Variants in FARS2 observed in about 807,000 individuals in gnomAD.
The protein encoded by FARS2 is phenylalanine--tRNA ligase, mitochondrial.
In FARS2, 40 loss-of-function variants were observed where a neutral mutation model predicts 46.4. The ratio of observed to expected loss-of-function variants is 0.86; its 90% CI spans 0.67 to 1.12. The LOEUF (loss-of-function observed/expected upper bound fraction) is 1.12. Ranked by LOEUF, FARS2 falls within the 50% of genes most tolerant of loss-of-function variation. The pLI is 0.00. For synonymous variants in FARS2, 234 were observed against 214.9 expected (o/e 1.09, Z -0.78); for missense variants, 513 against 567.9 (o/e 0.90, Z 0.98).
intron 1 of FARS2, among the ~76,000 whole-genome samples, chr6:5,346,340 T>C (rs2127598577): frequency 1.3e-5 from 2 of 152,330 alleles, no homozygotes; most frequent in African/African-American, 4.8e-5. Flanking sequence ...TCTGTGTATT[T>C]GGGTGTAATT....
At chr6:5,388,265 G>A (rs75757048) in intron 2 of FARS2, among the ~76,000 whole-genome samples, 7,169 of 152,134 alleles carry the variant, frequency 0.047, 480 homozygotes, top group African/African-American at 0.15. Context: ...CTTGGCAGGG[G>A]GGAAATGGTT....
chr6:5,308,632 T>C (rs1465162008), intron 1 of FARS2, among the ~76,000 whole-genome samples: 1 of 152,252 alleles, frequency 6.6e-6, no homozygotes, highest in Non-Finnish European at 1.5e-5. Context: ...TGTCCTTACC[T>C]TATCATGCGC....
At chr6:5,738,964 A>G (rs1582859740) in intron 6 of FARS2, among the ~76,000 whole-genome samples, 1 of 152,332 alleles carries the variant, frequency 6.6e-6, no homozygotes. Flanking sequence ...GGCATCAGTC[A>G]TGCCACATTC....
chr6:5,454,409 T>C (rs1764703392), intron 4 of FARS2, among the ~76,000 whole-genome samples: 1 of 152,148 alleles, frequency 6.6e-6, no homozygotes, highest in Non-Finnish European at 1.5e-5. Flanking sequence ...TGGCGTGATC[T>C]CGGCTCACTG....
chr6:5,616,928 A>G (rs1028714522), intron 6 of FARS2, among the ~76,000 whole-genome samples: 2 of 151,314 alleles, frequency 1.3e-5, no homozygotes, highest in African/African-American at 4.9e-5. Flanking sequence ...GCTGAGAGAA[A>G]TTTCTGTTGT....
chr6:5,742,895 TC>T (rs1486543129), intron 6 of FARS2, among the ~76,000 whole-genome samples: 1 of 151,980 alleles, frequency 6.6e-6, no homozygotes, highest in African/African-American at 2.4e-5. Flanking sequence ...GGAAATGGGT[TC>T]TCAGGAAATG....
chr6:5,559,182 C>T (rs1202594240), intron 5 of FARS2, among the ~76,000 whole-genome samples: 2 of 151,454 alleles, frequency 1.3e-5, no homozygotes, highest in East Asian at 1.9e-4. Flanking sequence ...GCGGGAAGAT[C>T]GCTTGAGCCC....
At chr6:5,446,396 A>G (rs451850) in intron 4 of FARS2, among the ~76,000 whole-genome samples, 108,613 of 151,890 alleles carry the variant, frequency 0.72, 39,226 homozygotes, top group East Asian at 0.92. Flanking sequence ...AATCCATTAT[A>G]TGTATTTGAT....
At chr6:5,472,977 T>C (rs2150324188) in intron 4 of FARS2, among the ~76,000 whole-genome samples, 1 of 152,346 alleles carries the variant, frequency 6.6e-6, no homozygotes, top group Non-Finnish European at 1.5e-5. Context: ...TTGGATGAAG[T>C]ATCTGCAAAT....
At chr6:5,609,979 G>C in intron 5 of FARS2, 1 of 1,227,196 alleles carries the variant, frequency 8.1e-7, no homozygotes, top group Non-Finnish European at 1.2e-6. Flanking sequence ...GTGTGGCCTT[G>C]CATTCGTGGC....
intron 6 of FARS2, among the ~76,000 whole-genome samples, chr6:5,720,221 A>C (rs1759800324): frequency 6.6e-6 from 1 of 152,244 alleles, no homozygotes; most frequent in Admixed American, 6.5e-5. Context: ...AAAGGAAGGG[A>C]TAAAAAATAG....
intron 2 of FARS2, among the ~76,000 whole-genome samples, chr6:5,369,897 A>G (rs1347151076): frequency 1.3e-5 from 2 of 151,258 alleles, no homozygotes; most frequent in African/African-American, 2.4e-5. Flanking sequence ...TTTTTTGCAA[A>G]TTCTGAAATC....
intron 5 of FARS2, among the ~76,000 whole-genome samples, chr6:5,612,488 T>TTG (rs1039282860): frequency 6.7e-5 from 10 of 149,574 alleles, no homozygotes; most frequent in Admixed American, 6.6e-5. Context: ...ATATATATAT[T>TTG]TGTGTGTGTG....
chr6:5,701,988 T>C lies in FARS2; in HGVS notation c.1218-69303T>C, dbSNP rs754493952. Among the ~76,000 whole-genome samples the C allele has an allele frequency of 4.6e-5, 7 of 152,234 alleles. No individual in the cohort carries two copies. The South Asian group carries it at 1.0e-3, about 22-fold the overall frequency. On this transcript the variant is annotated intron_variant, in intron 6 of 6. Transcript: ENST00000274680. ...TCAGATACAAAATACAGCAGCATACTTACAGATGTGTTCTCATGATTTTCA... is the reference window on the plus strand; with the variant it reads ...TCAGATACAAAATACAGCAGCATACCTACAGATGTGTTCTCATGATTTTCA...
intron 1 of FARS2, among the ~76,000 whole-genome samples, chr6:5,364,919 C>T (rs908896639): frequency 6.6e-6 from 1 of 152,064 alleles, no homozygotes; most frequent in Non-Finnish European, 1.5e-5. Flanking sequence ...GTAGTCCTAG[C>T]TATCTCTGGG....
chr6:5,347,375 A>C (rs1383314840), intron 1 of FARS2, among the ~76,000 whole-genome samples: 1 of 152,130 alleles, frequency 6.6e-6, no homozygotes. Context: ...TTTTCCAACC[A>C]AAAAAGTTGT....
intron 6 of FARS2, among the ~76,000 whole-genome samples, chr6:5,736,299 A>G (rs892449508): frequency 5.3e-5 from 8 of 152,208 alleles, no homozygotes; most frequent in African/African-American, 1.9e-4. Context: ...TTTGGAAGTG[A>G]CACACCATCA....
At chr6:5,617,722 C>G (rs548241343) in intron 6 of FARS2, among the ~76,000 whole-genome samples, 1 of 152,248 alleles carries the variant, frequency 6.6e-6, no homozygotes, top group African/African-American at 2.4e-5. Context: ...GGCCATGGTG[C>G]GGACTTGGCA....
chr6:5,262,178 T>A (rs1765199813), intron 1 of FARS2, among the ~76,000 whole-genome samples: 2 of 152,374 alleles, frequency 1.3e-5, no homozygotes, highest in Admixed American at 6.5e-5. Flanking sequence ...TCCGAACCAC[T>A]TGGTCACGGT....
Sources: allele counts gnomAD v4.1 joint callset (sites outside exome capture counted in the v4.1 genomes callset), GRCh38; gene constraint gnomAD v4.1.1; transcripts MANE v1.5; gene names NCBI Gene and HGNC (gene_info 2026-07-23, HGNC 2026-07-21).